Variants in EIF2B3 observed in about 807,000 individuals in gnomAD.
EIF2B3 encodes translation initiation factor eIF2B subunit gamma.
In EIF2B3, 20 loss-of-function variants were observed where a neutral mutation model predicts 54.1. The observed-to-expected ratio is 0.37, with a 90% CI of 0.26 to 0.54. The LOEUF (loss-of-function observed/expected upper bound fraction) is 0.54, where lower values mean the gene tolerates loss of function less well. Ranked by LOEUF, EIF2B3 falls within the 20% of genes least tolerant of loss-of-function variation. EIF2B3 has a pLI of 0.86. For synonymous variants in EIF2B3, 153 were observed against 188.1 expected (o/e 0.81, Z 1.52); for missense variants, 448 against 547.8 (o/e 0.82, Z 1.82).
At chr1:44,897,877 T>C (rs1356831411) in intron 5 of EIF2B3, among the ~76,000 whole-genome samples, 1 of 151,626 alleles carries the variant, frequency 6.6e-6, no homozygotes, top group African/African-American at 2.4e-5. Context: ...GCTGAAACTA[T>C]AGTTGTACAC....
At position 44,946,630 on chromosome 1, in the gene EIF2B3, T is replaced by C. The variant is rs542043352; in HGVS notation, c.295-4965A>G. The stretch of plus-strand genomic sequence containing the variant: ...ATTTTAATTTCTTCTTCTTCTTCTT[T>C]TTTTTTTTTTTTTGTAGAGACGGGA... On this transcript the variant is annotated intron_variant, in intron 3 of 11. Transcript: ENST00000360403. Among the ~76,000 whole-genome samples, 827 of 148,322 alleles carry C rather than the reference T, an allele frequency of 5.6e-3. 5 individuals carry two copies. The highest frequency in any genetic ancestry group is 7.3e-3 in the Non-Finnish European group (490 of 66,724).
chr1:44,959,530 G>A, intron 3 of EIF2B3: 1 of 194,576 alleles, frequency 5.1e-6, no homozygotes, highest in East Asian at 1.2e-4. Flanking sequence ...GCAACAGAGT[G>A]AGACCCTATT....
chr1:44,860,138 T>G (rs966508380), intron 10 of EIF2B3, among the ~76,000 whole-genome samples: 1 of 151,250 alleles, frequency 6.6e-6, no homozygotes, highest in Non-Finnish European at 1.5e-5. Flanking sequence ...CCACCGCTCC[T>G]GGCCACAAAT....
intron 3 of EIF2B3, among the ~76,000 whole-genome samples, chr1:44,964,504 G>C (rs1316582292): frequency 6.6e-6 from 1 of 152,190 alleles, no homozygotes; most frequent in Non-Finnish European, 1.5e-5. Flanking sequence ...TTAGCTTTTT[G>C]AACATCTGAA....
chr1:44,978,263 A>T, intron 3 of EIF2B3, 52 bp downstream of exon 3: 2 of 1,602,332 alleles, frequency 1.2e-6, no homozygotes, highest in Non-Finnish European at 1.7e-6. Flanking sequence ...GGGAAAACAT[A>T]AGATATCATC....
At chr1:44,968,766 G>A (rs950626009) in intron 3 of EIF2B3, among the ~76,000 whole-genome samples, 2 of 151,852 alleles carry the variant, frequency 1.3e-5, no homozygotes, top group African/African-American at 2.4e-5. Flanking sequence ...GCATGGTGGC[G>A]TGTGCCTGTA....
intron 8 of EIF2B3, among the ~76,000 whole-genome samples, chr1:44,876,666 T>G (rs1655168464): frequency 8.7e-6 from 1 of 115,168 alleles, no homozygotes; most frequent in Non-Finnish European, 1.7e-5. Context: ...GGAGCCCCTC[T>G]GCCCGGCCAC....
At position 44,896,445 on chromosome 1, in the gene EIF2B3, A is replaced by C. The variant is rs908523674; in HGVS notation, c.656+910T>G. On this transcript the variant is annotated intron_variant, in intron 6 of 11. Coordinates refer to ENST00000360403, the MANE Select transcript of EIF2B3 (RefSeq NM_020365.5). ...GGGAGCAATCCTCCTTCCTCTTAATATTCCGATATATATTCAAGTCCATCA... is the reference window on the plus strand; with the variant it reads ...GGGAGCAATCCTCCTTCCTCTTAATCTTCCGATATATATTCAAGTCCATCA... 2.6e-5 allele frequency among the ~76,000 whole-genome samples: 4 copies of C among 152,186 alleles called. No individual in the cohort carries two copies. The East Asian group carries it at 7.7e-4, about 29-fold the overall frequency.
intron 5 of EIF2B3, among the ~76,000 whole-genome samples, chr1:44,902,647 C>A (rs1175862200): frequency 1.3e-5 from 2 of 151,634 alleles, no homozygotes; most frequent in African/African-American, 2.4e-5. Flanking sequence ...TATAAGGAGA[C>A]CTTGTCTCCA....
At chr1:44,851,194 A>G (rs946398996) in intron 11 of EIF2B3, among the ~76,000 whole-genome samples, 191 bp from the exon 12 acceptor site, 5 of 151,904 alleles carry the variant, frequency 3.3e-5, no homozygotes, top group Non-Finnish European at 5.9e-5. Flanking sequence ...CCTCCTGAGT[A>G]GCTGGGATTA....
intron 3 of EIF2B3, among the ~76,000 whole-genome samples, chr1:44,959,767 A>G (rs566199314): frequency 1.3e-5 from 2 of 152,302 alleles, no homozygotes; most frequent in South Asian, 2.1e-4. Context: ...TGAGCATTTT[A>G]TTAATCTCAA....
intron 4 of EIF2B3, among the ~76,000 whole-genome samples, chr1:44,936,698 C>T (rs766628523): frequency 1.3e-5 from 2 of 152,072 alleles, no homozygotes; most frequent in African/African-American, 2.4e-5. Context: ...AACAAAAACA[C>T]TCTGATATTC....
chr1:44,876,431 G>A (rs1294328511), intron 8 of EIF2B3, among the ~76,000 whole-genome samples: 1 of 143,042 alleles, frequency 7.0e-6, no homozygotes, highest in South Asian at 2.4e-4. Context: ...TCTCTGCCCG[G>A]CCGCCCCGTC....
At chr1:44,862,525 TAGGTAGGACTTCTTTC>T (rs373018419) in intron 10 of EIF2B3, among the ~76,000 whole-genome samples, 1 of 152,330 alleles carries the variant, frequency 6.6e-6, no homozygotes, top group East Asian at 1.9e-4. Context: ...CTTCTGGCTT[TAGGTAGGACTTCTTTC>T]AGTTATTTCA....
intron 3 of EIF2B3, among the ~76,000 whole-genome samples, chr1:44,971,468 T>G (rs919289977): frequency 6.6e-6 from 1 of 152,158 alleles, no homozygotes; most frequent in Non-Finnish European, 1.5e-5. Context: ...TTCTCATGCC[T>G]TCTCTCCTAA....
chr1:44,899,258 C>G (rs1385177643), intron 5 of EIF2B3, among the ~76,000 whole-genome samples: 1 of 152,168 alleles, frequency 6.6e-6, no homozygotes, highest in Non-Finnish European at 1.5e-5. Flanking sequence ...ATAAAACTAT[C>G]ACCACAATCC....
chr1:44,896,813 AT>A (rs1655988213), intron 6 of EIF2B3, among the ~76,000 whole-genome samples: 1 of 152,248 alleles, frequency 6.6e-6, no homozygotes, highest in Non-Finnish European at 1.5e-5. Flanking sequence ...AAGTCCTACA[AT>A]TCTGTTCTAA....
At chr1:44,952,646 G>A (rs185174709) in intron 3 of EIF2B3, among the ~76,000 whole-genome samples, 1,597 of 149,556 alleles carry the variant, frequency 0.011, 16 homozygotes, top group Non-Finnish European at 0.018. Context: ...TCCGCCTCCC[G>A]GGTTCACGCC....
At chr1:44,876,107 G>A (rs1655127519) in intron 8 of EIF2B3, among the ~76,000 whole-genome samples, 1 of 152,222 alleles carries the variant, frequency 6.6e-6, no homozygotes, top group South Asian at 2.1e-4. Context: ...CCAGGCTGGA[G>A]TGCAGTGGCG....
Sources: allele counts gnomAD v4.1 joint callset (sites outside exome capture counted in the v4.1 genomes callset), GRCh38; gene constraint gnomAD v4.1.1; transcripts MANE v1.5; gene names NCBI Gene and HGNC (gene_info 2026-07-23, HGNC 2026-07-21).